The following SEL1L2 variants were observed in gnomAD, a reference collection of about 807,000 sequenced individuals.
SEL1L2 encodes the protein SEL1L2 adaptor subunit of SYVN1 ubiquitin ligase.
SEL1L2 carries 89 observed loss-of-function variants against 98.8 expected under a neutral mutation model. That is an observed-to-expected ratio of 0.90 (90% CI 0.76 to 1.07). The LOEUF (loss-of-function observed/expected upper bound fraction) is 1.07, where lower values mean the gene tolerates loss of function less well. Ranked by LOEUF, SEL1L2 falls within the 50% of genes least tolerant of loss-of-function variation. SEL1L2 has a pLI of 0.00. For missense variants in SEL1L2, 788 were observed against 812.0 expected (o/e 0.97, Z 0.36); for synonymous variants, 262 against 278.5 (o/e 0.94, Z 0.59).
chr20:13,893,884 A>G (rs1052787204), intron 5 of SEL1L2, among the ~76,000 whole-genome samples: 1 of 152,190 alleles, frequency 6.6e-6, no homozygotes, highest in Non-Finnish European at 1.5e-5. Flanking sequence ...GAAAACAAAA[A>G]ACTTCACAAA....
At chr20:13,971,714 C>A (rs184371427) in intron 1 of SEL1L2, among the ~76,000 whole-genome samples, 1 of 152,028 alleles carries the variant, frequency 6.6e-6, no homozygotes, top group East Asian at 1.9e-4. Flanking sequence ...GGATTACAGG[C>A]GTGAGCCACC....
intron 2 of SEL1L2, among the ~76,000 whole-genome samples, chr20:13,943,034 C>G (rs1300814062): frequency 6.6e-6 from 1 of 152,088 alleles, no homozygotes; most frequent in Non-Finnish European, 1.5e-5. Flanking sequence ...ATAACCACCC[C>G]TAAGTGAAAA....
chr20:13,922,800 T>C (rs1340745169), intron 3 of SEL1L2, among the ~76,000 whole-genome samples: 2 of 152,230 alleles, frequency 1.3e-5, no homozygotes, highest in Non-Finnish European at 2.9e-5. Context: ...CTTTTTCCTT[T>C]TATTTTTCTA....
At chr20:13,893,153 C>T (rs1239431926) in intron 5 of SEL1L2, among the ~76,000 whole-genome samples, 1 of 152,166 alleles carries the variant, frequency 6.6e-6, no homozygotes, top group African/African-American at 2.4e-5. Context: ...TCCCCACTCC[C>T]CTGATTCCCC....
Position 13,865,368 on chromosome 20 carries a change from T to C in SEL1L2, c.1551A>G (p.Ser517=). The C allele has an allele frequency of 6.2e-7, 1 of 1,614,138 alleles. No homozygotes were observed. The highest frequency in any genetic ancestry group is 1.3e-5 in the African/African-American group (1 of 75,072). The change falls in exon 16 of 20, where the codon TCA becomes TCG. Residue 517 remains serine, a synonymous_variant. Transcript: ENST00000284951. ...TCTTACTAGATTCCAAAATGAATGC[T>C]GAATTGCTTTGAGCTACTTCATACC... ...EMGYEVAQSN[S]AFILESKKAN...
intron 5 of SEL1L2, among the ~76,000 whole-genome samples, chr20:13,892,041 A>C (rs2047226609): frequency 6.6e-6 from 1 of 152,258 alleles, no homozygotes; most frequent in East Asian, 1.9e-4. Flanking sequence ...AAGTATATAA[A>C]GTAGTAAAAA....
chr20:13,974,430 C>T (rs1569070900), intron 1 of SEL1L2, among the ~76,000 whole-genome samples: 2 of 150,054 alleles, frequency 1.3e-5, no homozygotes, highest in African/African-American at 4.9e-5. Context: ...AACTGCTAGG[C>T]TGCTCCTACT....
intron 1 of SEL1L2, among the ~76,000 whole-genome samples, chr20:13,980,284 C>T (rs1029719990): frequency 3.3e-5 from 5 of 152,200 alleles, no homozygotes; most frequent in Admixed American, 2.6e-4. Flanking sequence ...GGCGTGATCT[C>T]AGCCCACTGC....
chr20:13,936,061 C>T (rs2049437392), intron 2 of SEL1L2, among the ~76,000 whole-genome samples: 1 of 152,194 alleles, frequency 6.6e-6, no homozygotes, highest in Admixed American at 6.5e-5. Context: ...AGCTATAGCT[C>T]TTCATCGGAG....
chr20:13,886,414 A>T lies in SEL1L2; in HGVS notation c.774T>A (p.Gly258=). Residue 258 remains glycine, a synonymous_variant, in exon 9 of 20, where the codon GGT becomes GGA. Transcript: ENST00000284951. ...TTAGTCTCACTTTTTCCACTGGAAC[A>T]CCTTCACTTTTTTCAAATGTGTCAG... The part of the protein sequence containing the change: ...YIADTFEKSE[G]VPVEKVRLTE... 6.2e-7 allele frequency: 1 copy of T among 1,613,800 alleles called. No homozygotes were observed. The highest frequency in any genetic ancestry group is 1.1e-5 in the South Asian group (1 of 90,990).
intron 3 of SEL1L2, among the ~76,000 whole-genome samples, chr20:13,930,132 C>A (rs923039008): frequency 2.0e-5 from 3 of 152,010 alleles, no homozygotes; most frequent in Non-Finnish European, 4.4e-5. Context: ...CTGCTCTGTG[C>A]CTTGGGACTC....
intron 1 of SEL1L2, among the ~76,000 whole-genome samples, chr20:13,987,326 T>G (rs56397111): frequency 0.2 from 28,154 of 142,134 alleles, 2,805 homozygotes; most frequent in African/African-American, 0.24. Flanking sequence ...TTTTTTTTTT[T>G]TTTTTGTTGT....
At chr20:13,962,465 A>C (rs1407061365) in intron 1 of SEL1L2, among the ~76,000 whole-genome samples, 1 of 152,180 alleles carries the variant, frequency 6.6e-6, no homozygotes, top group Admixed American at 6.5e-5. Context: ...CAGCCATCCC[A>C]GCTGTCTCTG....
At chr20:13,954,289 A>G (rs537875523) in intron 2 of SEL1L2, among the ~76,000 whole-genome samples, 2 of 152,286 alleles carry the variant, frequency 1.3e-5, no homozygotes, top group East Asian at 3.9e-4. Flanking sequence ...CTTTCAGCCA[A>G]ATAGTATCCT....
chr20:13,900,993 TG>T (rs1235959026), intron 5 of SEL1L2, among the ~76,000 whole-genome samples: 1 of 152,224 alleles, frequency 6.6e-6, no homozygotes, highest in Non-Finnish European at 1.5e-5. Context: ...TTTCAGTTTT[TG>T]TTTACTAATC....
intron 5 of SEL1L2, among the ~76,000 whole-genome samples, chr20:13,898,656 A>G (rs2047523936): frequency 6.6e-6 from 1 of 152,082 alleles, no homozygotes; most frequent in Admixed American, 6.6e-5. Flanking sequence ...CCTCCTGTCC[A>G]TTCTTCATTT....
upstream of SEL1L2, among the ~76,000 whole-genome samples, chr20:13,994,295 C>CAAAAAAAAAAAAAAAAAAAAAAAAAA (rs10557935): frequency 1.4e-5 from 1 of 70,958 alleles, no homozygotes. Context: ...AACTCTGCCT[C>CAAAAAAAAAAAAAAAAAAAAAAAAAA]AAAAAAAAAA....
At chr20:13,907,238 G>T (rs990093683) in intron 5 of SEL1L2, among the ~76,000 whole-genome samples, 2 of 151,982 alleles carry the variant, frequency 1.3e-5, no homozygotes, top group Non-Finnish European at 2.9e-5. Flanking sequence ...ACATACCCAT[G>T]AATAAAACAT....
chr20:13,915,723 A>G (rs935898312), intron 4 of SEL1L2, among the ~76,000 whole-genome samples: 1 of 152,218 alleles, frequency 6.6e-6, no homozygotes, highest in African/African-American at 2.4e-5. Flanking sequence ...CAAGGCACTA[A>G]AAGGGATACT....
Sources: gnomAD v4.1 joint callset for allele counts (sites outside exome capture counted in the v4.1 genomes callset) on GRCh38, gnomAD v4.1.1 for gene constraint, MANE v1.5 for transcripts, NCBI Gene and HGNC (gene_info 2026-07-23, HGNC 2026-07-21) for gene names.